The following SHISA9 variants were observed in gnomAD, a reference collection of about 807,000 sequenced individuals.
The protein encoded by SHISA9 is protein shisa-9.
SHISA9 carries 13 observed loss-of-function variants against 38.0 expected under a neutral mutation model. That is an observed-to-expected ratio of 0.34 (90% confidence interval 0.22 to 0.54). The LOEUF (loss-of-function observed/expected upper bound fraction) is 0.54, where lower values mean the gene tolerates loss of function less well. SHISA9 is among the 20% of genes least tolerant of loss of function. The pLI is 0.91. For synonymous variants in SHISA9, 275 were observed against 242.0 expected (o/e 1.14, Z -1.27); for missense variants, 538 against 575.8 (o/e 0.93, Z 0.67).
At chr16:13,456,267 A>G in the SHISA9 span, among the ~76,000 whole-genome samples, 2 of 152,108 alleles carry the variant, frequency 1.3e-5, no homozygotes, top group Non-Finnish European at 2.9e-5. Flanking sequence ...TAGACTGTGC[A>G]CTTCAACCTG....
At chr16:13,421,391 C>G in the SHISA9 span, among the ~76,000 whole-genome samples, 5 of 152,158 alleles carry the variant, frequency 3.3e-5, no homozygotes, top group Non-Finnish European at 2.9e-5. Flanking sequence ...GTGAAAGGCA[C>G]TTCTTACATG....
At chr16:13,324,405 T>C in the SHISA9 span, among the ~76,000 whole-genome samples, 23 of 152,198 alleles carry the variant, frequency 1.5e-4, no homozygotes, top group African/African-American at 4.6e-4. Flanking sequence ...GTTTCTAGCA[T>C]CTATTCTGCC....
chr16:12,959,377 G>A (rs567976501), intron 2 of SHISA9, among the ~76,000 whole-genome samples: 7 of 152,150 alleles, frequency 4.6e-5, no homozygotes, highest in African/African-American at 1.4e-4. Context: ...CATTTGCTAG[G>A]TGCTTCCTCT....
Position 12,940,438 on chromosome 16 carries a change from ATC to A in SHISA9, c.691+23631_691+23632del, listed in dbSNP as rs1486555442. On this transcript the variant is annotated intron_variant, in intron 2 of 4. Transcript: ENST00000558583. ...CTAGTCCCCCCATAAATGACCCCCC[ATC>A]TCTCTCTTCTCACCTCACTATGTGC... is the stretch of plus-strand genomic sequence containing the variant. 2.2e-5 allele frequency among the ~76,000 whole-genome samples: 3 copies of A among 136,984 alleles called. No individual in the cohort carries two copies. The East Asian group carries it at 7.5e-4, about 34-fold the overall frequency. 89.9% of individuals were successfully genotyped at this position (136,984 alleles called of 152,430 possible). A position where few individuals can be genotyped will look rare whatever the true frequency, so the allele number is the denominator to read the frequency against.
At chr16:13,016,797 A>G (rs1314728984) in intron 2 of SHISA9, among the ~76,000 whole-genome samples, 2 of 152,332 alleles carry the variant, frequency 1.3e-5, no homozygotes, top group African/African-American at 4.8e-5. Flanking sequence ...CCATCTTGGA[A>G]AATCAGGGAC....
chr16:13,208,564 T>C (rs2051089557), intron 3 of SHISA9, among the ~76,000 whole-genome samples: 1 of 151,082 alleles, frequency 6.6e-6, no homozygotes, highest in Admixed American at 6.6e-5. Flanking sequence ...ATTGAGAGAA[T>C]TGGACATGCA....
intron 2 of SHISA9, among the ~76,000 whole-genome samples, chr16:12,997,168 T>A (rs2072467463): frequency 6.6e-6 from 1 of 152,070 alleles, no homozygotes; most frequent in Non-Finnish European, 1.5e-5. Context: ...AACCACTGTT[T>A]TGATTTCTTT....
At chr16:13,360,662 T>C in the SHISA9 span, among the ~76,000 whole-genome samples, 2 of 152,192 alleles carry the variant, frequency 1.3e-5, no homozygotes, top group Non-Finnish European at 2.9e-5. Flanking sequence ...ATGTCTTTAT[T>C]AGCAGTGTGA....
intron 2 of SHISA9, among the ~76,000 whole-genome samples, chr16:12,964,385 T>G (rs1185900551): frequency 2.2e-5 from 2 of 92,958 alleles, no homozygotes; most frequent in African/African-American, 3.1e-5. Flanking sequence ...GGACTTTCTG[T>G]TTTTTTTTTT....
the SHISA9 span, among the ~76,000 whole-genome samples, chr16:13,363,538 A>G: frequency 6.6e-6 from 1 of 152,302 alleles, no homozygotes; most frequent in East Asian, 1.9e-4. Flanking sequence ...AGAGTAGGGA[A>G]GTGTATTCTG....
At chr16:13,545,545 A>C in the SHISA9 span, among the ~76,000 whole-genome samples, 1 of 152,190 alleles carries the variant, frequency 6.6e-6, no homozygotes, top group Non-Finnish European at 1.5e-5. Flanking sequence ...AGCATGGGAA[A>C]GGCTGGTCTT....
the SHISA9 span, among the ~76,000 whole-genome samples, chr16:13,364,104 G>T: frequency 6.6e-6 from 1 of 152,202 alleles, no homozygotes; most frequent in Non-Finnish European, 1.5e-5. Context: ...CTGATGATCT[G>T]TCCAGCTTGA....
chr16:12,917,018 A>C (rs1359095892), intron 2 of SHISA9, among the ~76,000 whole-genome samples: 2 of 152,142 alleles, frequency 1.3e-5, no homozygotes, highest in Admixed American at 1.3e-4. Context: ...ATGGCGATCC[A>C]CTTGGTTGGT....
intron 2 of SHISA9, among the ~76,000 whole-genome samples, chr16:13,128,503 G>A (rs2050279940): frequency 6.6e-6 from 1 of 152,082 alleles, no homozygotes; most frequent in Admixed American, 6.5e-5. Context: ...GGCTTGTGGA[G>A]TAAAGACAAT....
At chr16:12,994,528 A>ATGGTGGTGGTGG (rs2072433308) in intron 2 of SHISA9, among the ~76,000 whole-genome samples, 1 of 152,074 alleles carries the variant, frequency 6.6e-6, no homozygotes, top group Non-Finnish European at 1.5e-5. Flanking sequence ...CCCCAGATTT[A>ATGGTGGTGGTGG]TGGTGGTGGT....
the SHISA9 span, among the ~76,000 whole-genome samples, chr16:13,421,819 C>T: frequency 1.3e-5 from 2 of 152,144 alleles, no homozygotes; most frequent in Admixed American, 6.5e-5. Flanking sequence ...CTCATAAAAC[C>T]TCTTATGTGC....
chr16:13,457,418 T>A, the SHISA9 span, among the ~76,000 whole-genome samples: 9 of 152,128 alleles, frequency 5.9e-5, no homozygotes, highest in Non-Finnish European at 1.2e-4. Context: ...GTGAGAGTAG[T>A]CTTGCCTGGA....
At chr16:13,166,220 C>CGTCAGACT (rs1211225675) in intron 2 of SHISA9, among the ~76,000 whole-genome samples, 1 of 152,174 alleles carries the variant, frequency 6.6e-6, no homozygotes, top group African/African-American at 2.4e-5. Flanking sequence ...ACTCTAGCAA[C>CGTCAGACT]GTCAGACTTC....
At chr16:12,956,143 C>G (rs572420469) in intron 2 of SHISA9, among the ~76,000 whole-genome samples, 18 of 152,276 alleles carry the variant, frequency 1.2e-4, no homozygotes, top group African/African-American at 4.1e-4. Context: ...CCAATAAGCA[C>G]TAATCATTAG....
Sources: allele counts gnomAD v4.1 joint callset (sites outside exome capture counted in the v4.1 genomes callset), GRCh38; gene constraint gnomAD v4.1.1; transcripts MANE v1.5; gene names NCBI Gene and HGNC (gene_info 2026-07-23, HGNC 2026-07-21).